PTPRK: variants seen among roughly 807,000 people sequenced by gnomAD.
PTPRK encodes the protein receptor-type tyrosine-protein phosphatase kappa.
In PTPRK, 75 loss-of-function variants were observed where a neutral mutation model predicts 178.0. That is an observed-to-expected ratio of 0.42 (90% confidence interval 0.35 to 0.51). PTPRK has a LOEUF of 0.51. Among genes scored for constraint, PTPRK ranks in the 20% least tolerant of loss-of-function variants. The pLI, the probability that PTPRK is intolerant of heterozygous loss-of-function variation, is 0.02. For synonymous variants in PTPRK, 637 were observed against 620.6 expected, an observed-to-expected ratio of 1.03 and a Z score of -0.39; for missense variants, 1,441 against 1,797.8, an observed-to-expected ratio of 0.80 and a Z score of 3.59.
At chr6:128,268,560 G>A (rs1819305015) in intron 3 of PTPRK, among the ~76,000 whole-genome samples, 1 of 151,912 alleles carries the variant, frequency 6.6e-6, no homozygotes, top group Admixed American at 6.6e-5. Flanking sequence ...ATGTAAAATG[G>A]TTTACTTATA....
intron 1 of PTPRK, among the ~76,000 whole-genome samples, chr6:128,466,264 A>G (rs142200915): frequency 1.1e-4 from 17 of 152,332 alleles, no homozygotes; most frequent in African/African-American, 4.1e-4. Flanking sequence ...AAAGAAATCT[A>G]ATAGAAGAAA....
chr6:128,318,985 T>G (rs920527684), intron 3 of PTPRK, among the ~76,000 whole-genome samples: 71 of 152,306 alleles, frequency 4.7e-4, no homozygotes, highest in African/African-American at 1.6e-3. Flanking sequence ...ATTAGTATAG[T>G]AAGCTGAAAA....
At chr6:128,150,427 T>C (rs1239226957) in intron 7 of PTPRK, among the ~76,000 whole-genome samples, 2 of 152,124 alleles carry the variant, frequency 1.3e-5, no homozygotes, top group Non-Finnish European at 2.9e-5. Flanking sequence ...AATTGGTATA[T>C]GTCCTACATT....
chr6:128,139,694 G>A (rs917679395), intron 7 of PTPRK, among the ~76,000 whole-genome samples: 1 of 151,702 alleles, frequency 6.6e-6, no homozygotes. Flanking sequence ...GCCCTTCATT[G>A]CCAGTTTCTG....
At chr6:128,151,493 C>T (rs911971931) in intron 7 of PTPRK, among the ~76,000 whole-genome samples, 1 of 151,662 alleles carries the variant, frequency 6.6e-6, no homozygotes, top group Non-Finnish European at 1.5e-5. Flanking sequence ...AAACATACAA[C>T]TGTAAGAAGT....
chr6:128,373,442 T>C (rs1398208627), intron 2 of PTPRK, among the ~76,000 whole-genome samples: 4 of 152,194 alleles, frequency 2.6e-5, no homozygotes, highest in Non-Finnish European at 5.9e-5. Flanking sequence ...TAAAATCACC[T>C]ATGGGACTTT....
rs559278649 is a variant in PTPRK, at chr6:128,272,940, C to T, written c.496-30338G>A. Among the ~76,000 whole-genome samples the T allele has an allele frequency of 1.2e-3, 185 of 152,262 alleles. 1 individual carries two copies. Among genetic ancestry groups the T allele is most frequent in the Middle Eastern group, 3.4e-3 (1 of 294 alleles). ...TTTATTGTGGCACTATTCACAATAG[C>T]AAAGACTTGGAACCAACCCAAATGT... On this transcript the variant is annotated intron_variant, in intron 3 of 29. Coordinates refer to ENST00000368226, the MANE Select transcript of PTPRK (RefSeq NM_002844.4).
intron 2 of PTPRK, among the ~76,000 whole-genome samples, chr6:128,355,960 TTA>T (rs1833903614): frequency 6.6e-6 from 1 of 152,178 alleles, no homozygotes; most frequent in Non-Finnish European, 1.5e-5. Context: ...TCTGAAATTG[TTA>T]AAAATCAGTG....
Position 128,520,245 on chromosome 6 carries a change from C to T in PTPRK, c.100+14G>A. ...ACTCCAGGCGTTCGTCGGGGACGCC[C>T]CCCGGCCACTCACCTGCGGAGAACT... On this transcript the variant is annotated intron_variant, in intron 1 of 29. Transcript: ENST00000368226. 1 of 1,573,568 alleles carries T rather than the reference C, an allele frequency of 6.4e-7. No individual in the cohort carries two copies. Among genetic ancestry groups the T allele is most frequent in the South Asian group, 1.2e-5 (1 of 86,112 alleles).
At chr6:127,976,818 A>G (rs201684983) in intron 26 of PTPRK, 36 bp from the exon 27 acceptor site, 1 of 1,609,734 alleles carries the variant, frequency 6.2e-7, no homozygotes, top group Non-Finnish European at 8.5e-7. Flanking sequence ...AAAAAAAAAG[A>G]GTATTATTTT....
intron 2 of PTPRK, among the ~76,000 whole-genome samples, chr6:128,374,973 G>A (rs575312197): frequency 6.6e-6 from 1 of 151,776 alleles, no homozygotes; most frequent in East Asian, 1.9e-4. Context: ...CCTATGCCTG[G>A]AATGCTTTTC....
chr6:128,106,813 A>G (rs1789798029), intron 7 of PTPRK, among the ~76,000 whole-genome samples: 1 of 152,202 alleles, frequency 6.6e-6, no homozygotes, highest in Non-Finnish European at 1.5e-5. Context: ...ATGAGAGCTC[A>G]AGCACATTTC....
At chr6:128,078,163 A>G (rs983174120) in intron 11 of PTPRK, among the ~76,000 whole-genome samples, 4 of 151,980 alleles carry the variant, frequency 2.6e-5, no homozygotes, top group African/African-American at 9.7e-5. Flanking sequence ...AGAGGGGGGA[A>G]AAAGGCCAAT....
intron 2 of PTPRK, among the ~76,000 whole-genome samples, chr6:128,354,780 A>G (rs1833742111): frequency 6.6e-6 from 1 of 152,186 alleles, no homozygotes; most frequent in Admixed American, 6.5e-5. Flanking sequence ...ATTTAAACTA[A>G]CTTGCTTAAG....
intron 1 of PTPRK, among the ~76,000 whole-genome samples, chr6:128,441,127 T>G (rs796445274): frequency 2.2e-4 from 33 of 152,346 alleles, no homozygotes; most frequent in African/African-American, 7.7e-4. Flanking sequence ...CTTATGATTT[T>G]AATTTGCATT....
At chr6:128,309,679 A>C (rs1013064644) in intron 3 of PTPRK, among the ~76,000 whole-genome samples, 1 of 152,194 alleles carries the variant, frequency 6.6e-6, no homozygotes, top group Non-Finnish European at 1.5e-5. Context: ...GAATTAAAAA[A>C]TGTTGTGTGG....
At chr6:128,164,752 T>C (rs768903531) in intron 7 of PTPRK, among the ~76,000 whole-genome samples, 1 of 150,912 alleles carries the variant, frequency 6.6e-6, no homozygotes, top group Non-Finnish European at 1.5e-5. Flanking sequence ...TAATAAATTA[T>C]TGGAGGGTAG....
At chr6:128,349,895 A>C (rs183941454) in intron 2 of PTPRK, among the ~76,000 whole-genome samples, 1 of 152,262 alleles carries the variant, frequency 6.6e-6, no homozygotes, top group East Asian at 1.9e-4. Context: ...GTCTTCCTCC[A>C]AAGCAAAACA....
At chr6:128,463,013 C>T (rs1584830938) in intron 1 of PTPRK, among the ~76,000 whole-genome samples, 1 of 152,070 alleles carries the variant, frequency 6.6e-6, no homozygotes, top group South Asian at 2.1e-4. Context: ...CCACATCTAG[C>T]TACACCTAGA....
Sources: allele counts gnomAD v4.1 joint callset (sites outside exome capture counted in the v4.1 genomes callset), GRCh38; gene constraint gnomAD v4.1.1; transcripts MANE v1.5; gene names NCBI Gene and HGNC (gene_info 2026-07-23, HGNC 2026-07-21).